The following ATXN1 variants were observed in gnomAD, a reference collection of about 807,000 sequenced individuals.
The protein encoded by ATXN1 is ataxin 1.
Under a neutral mutation model 56.4 loss-of-function variants are expected in ATXN1, and 8 were observed. The ratio of observed to expected loss-of-function variants is 0.14; its 90% CI spans 0.08 to 0.26. The LOEUF is 0.26. ATXN1 is among the 10% of genes least tolerant of loss of function. ATXN1 has a pLI of 1.00. For synonymous variants in ATXN1, 514 were observed against 494.6 expected, an observed-to-expected ratio of 1.04 and a Z score of -0.52; for missense variants, 987 against 1,106.5, an observed-to-expected ratio of 0.89 and a Z score of 1.53.
At chr6:16,530,299 C>T (rs1483740365) in intron 4 of ATXN1, among the ~76,000 whole-genome samples, 2 of 152,004 alleles carry the variant, frequency 1.3e-5, no homozygotes, top group African/African-American at 4.8e-5. Flanking sequence ...GAACCAGATC[C>T]AGAAGAGAAA....
intron 2 of ATXN1, among the ~76,000 whole-genome samples, chr6:16,718,531 G>A (rs1253044563): frequency 2.0e-5 from 3 of 152,232 alleles, no homozygotes; most frequent in East Asian, 3.8e-4. Context: ...GGAAGCTGCT[G>A]GTTTCCAAAG....
intron 2 of ATXN1, among the ~76,000 whole-genome samples, chr6:16,696,823 T>C (rs889277593): frequency 6.6e-6 from 1 of 152,152 alleles, no homozygotes; most frequent in African/African-American, 2.4e-5. Flanking sequence ...TTCAGAATAG[T>C]GGAAAAGGTT....
At chr6:16,345,306 A>G (rs1216748757) in intron 6 of ATXN1, among the ~76,000 whole-genome samples, 1 of 152,214 alleles carries the variant, frequency 6.6e-6, no homozygotes, top group Non-Finnish European at 1.5e-5. Context: ...GTGAGATGTT[A>G]AAGACACTTG....
chr6:16,457,221 G>C (rs1025489278), intron 6 of ATXN1, among the ~76,000 whole-genome samples: 1 of 152,164 alleles, frequency 6.6e-6, no homozygotes, highest in East Asian at 1.9e-4. Flanking sequence ...AGGCAAGGGT[G>C]CAGGTTTTTG....
At chr6:16,620,878 A>G (rs1291547259) in intron 3 of ATXN1, among the ~76,000 whole-genome samples, 1 of 152,212 alleles carries the variant, frequency 6.6e-6, no homozygotes, top group Non-Finnish European at 1.5e-5. Flanking sequence ...CTCCTCTATA[A>G]GCAAAGGAGA....
intron 4 of ATXN1, among the ~76,000 whole-genome samples, chr6:16,570,088 G>T (rs950722895): frequency 1.3e-5 from 2 of 152,186 alleles, no homozygotes; most frequent in Admixed American, 1.3e-4. Flanking sequence ...GCTTGTTATT[G>T]CAACATCCTT....
At chr6:16,553,480 G>A (rs1008267797) in intron 4 of ATXN1, among the ~76,000 whole-genome samples, 6 of 152,100 alleles carry the variant, frequency 3.9e-5, no homozygotes, top group Non-Finnish European at 8.8e-5. Context: ...CACGGTAATT[G>A]ACTAGATATG....
intron 5 of ATXN1, among the ~76,000 whole-genome samples, chr6:16,496,851 A>G (rs982217534): frequency 8.5e-5 from 13 of 152,230 alleles, no homozygotes; most frequent in Admixed American, 4.6e-4. Context: ...CTCGGGGAAG[A>G]GCATATCCCC....
chr6:16,648,500 A>C (rs1561793009), intron 3 of ATXN1, among the ~76,000 whole-genome samples: 1 of 152,210 alleles, frequency 6.6e-6, no homozygotes, highest in Non-Finnish European at 1.5e-5. Context: ...AAAAGTTTGC[A>C]ACCCCATGGC....
intron 4 of ATXN1, among the ~76,000 whole-genome samples, chr6:16,577,921 A>G (rs528674256): frequency 6.1e-4 from 93 of 152,300 alleles, no homozygotes; most frequent in Middle Eastern, 3.4e-3. Context: ...TATTTTATAG[A>G]GATGCGGAAA....
At chr6:16,389,337 CAAAAAAAAAGAAA>C (rs985042782) in intron 6 of ATXN1, among the ~76,000 whole-genome samples, 27 of 125,676 alleles carry the variant, frequency 2.1e-4, no homozygotes, top group African/African-American at 7.1e-4. Context: ...ACTCCATCTC[CAAAAAAAAAGAAA>C]AAAAAAAAAG....
At chr6:16,714,507 G>A (rs1759598606) in intron 2 of ATXN1, among the ~76,000 whole-genome samples, 1 of 152,006 alleles carries the variant, frequency 6.6e-6, no homozygotes, top group Non-Finnish European at 1.5e-5. Flanking sequence ...TATTCATTTT[G>A]AAAAATACAG....
chr6:16,447,993 A>C (rs1424782945), intron 6 of ATXN1, among the ~76,000 whole-genome samples: 1 of 152,194 alleles, frequency 6.6e-6, no homozygotes, highest in Non-Finnish European at 1.5e-5. Flanking sequence ...TGTGGGTTCA[A>C]AAGTATCCTT....
chr6:16,530,802 C>T (rs189935548), intron 4 of ATXN1, among the ~76,000 whole-genome samples: 1 of 152,150 alleles, frequency 6.6e-6, no homozygotes, highest in Non-Finnish European at 1.5e-5. Flanking sequence ...AGAAGTCAAT[C>T]AGGTTTTATG....
chr6:16,524,837 GA>G (rs1363190488), intron 4 of ATXN1, among the ~76,000 whole-genome samples: 3 of 152,170 alleles, frequency 2.0e-5, no homozygotes, highest in African/African-American at 7.2e-5. Flanking sequence ...TGGATCACCT[GA>G]AGTCAGGAGT....
At chr6:16,344,867 T>G (rs1434976773) in intron 6 of ATXN1, among the ~76,000 whole-genome samples, 3 of 152,238 alleles carry the variant, frequency 2.0e-5, no homozygotes, top group African/African-American at 7.2e-5. Context: ...GTCCCCTAAC[T>G]GCTACTTCCT....
intron 6 of ATXN1, among the ~76,000 whole-genome samples, chr6:16,435,260 G>A (rs560009774): frequency 3.3e-5 from 5 of 152,120 alleles, no homozygotes; most frequent in African/African-American, 7.2e-5. Context: ...GGAGACACAG[G>A]CCCGAAGATG....
chr6:16,758,309 A>G (rs186525031), intron 1 of ATXN1, among the ~76,000 whole-genome samples: 37 of 152,352 alleles, frequency 2.4e-4, no homozygotes, highest in African/African-American at 8.9e-4. Flanking sequence ...ACTGACTGCA[A>G]GGCCAAAGGC....
At position 16,411,999 on chromosome 6, in the gene ATXN1, A is replaced by G. The variant is rs191637996; in HGVS notation, c.-161+73973T>C. On this transcript the variant is annotated intron_variant, in intron 6 of 7. Coordinates refer to ENST00000436367, the MANE Select transcript of ATXN1 (RefSeq NM_001128164.2). ...CTATCTTGCTTAGGGAAGACACCCA[A>G]TAAATATTAGTTGAAGACATGACCA... Among the ~76,000 whole-genome samples, 21 of 152,330 alleles carry G rather than the reference A, an allele frequency of 1.4e-4. No homozygotes were observed. In the East Asian group the frequency reaches 3.9e-3, roughly 28 times the overall value.
Sources: allele counts gnomAD v4.1 joint callset (sites outside exome capture counted in the v4.1 genomes callset), GRCh38; gene constraint gnomAD v4.1.1; transcripts MANE v1.5; gene names NCBI Gene and HGNC (gene_info 2026-07-23, HGNC 2026-07-21).